SLC9C2: variants seen among roughly 807,000 people sequenced by gnomAD.
SLC9C2 encodes solute carrier family 9 member C2 (putative).
A neutral mutation model predicts 140.2 loss-of-function variants in SLC9C2; 75 were observed. The observed-to-expected ratio is 0.53, with a 90% CI of 0.44 to 0.65. The LOEUF (loss-of-function observed/expected upper bound fraction) is 0.65. Among genes scored for constraint, SLC9C2 ranks in the 30% least tolerant of loss-of-function variants. SLC9C2 has a pLI of 0.00. For synonymous variants in SLC9C2, 375 were observed against 420.9 expected (o/e 0.89, Z 1.34); for missense variants, 1,074 against 1,331.8 (o/e 0.81, Z 3.01).
chr1:173,520,733 CA>C (rs1044793063), intron 22 of SLC9C2, among the ~76,000 whole-genome samples: 3 of 152,120 alleles, frequency 2.0e-5, no homozygotes, highest in African/African-American at 7.2e-5. Flanking sequence ...GTTTCAAAAC[CA>C]GAAAGCCAAT....
chr1:173,508,577 A>G (rs1240207910), intron 24 of SLC9C2, among the ~76,000 whole-genome samples: 1 of 152,086 alleles, frequency 6.6e-6, no homozygotes, highest in Non-Finnish European at 1.5e-5. Context: ...CTCTGCTAAA[A>G]TTTTTCTGAA....
intron 20 of SLC9C2, among the ~76,000 whole-genome samples, chr1:173,524,517 G>A (rs559654063): frequency 2.1e-4 from 32 of 152,256 alleles, no homozygotes; most frequent in Middle Eastern, 3.4e-3. Context: ...AGTACTCTGC[G>A]TCCTTTTGAT....
intron 21 of SLC9C2, 27 bp from the exon 22 acceptor site, chr1:173,521,426 GA>G: frequency 1.6e-6 from 2 of 1,233,456 alleles, no homozygotes; most frequent in Non-Finnish European, 2.2e-6. Context: ...AAAACGAAAA[GA>G]AAAAGAGAGT....
chr1:173,592,751 G>A (rs1025834337), intron 4 of SLC9C2, among the ~76,000 whole-genome samples: 2 of 152,100 alleles, frequency 1.3e-5, no homozygotes, highest in Non-Finnish European at 2.9e-5. Flanking sequence ...AAGGAGATTT[G>A]GGGCTGAGAT....
chr1:173,511,806 TC>T (rs1235578995), intron 23 of SLC9C2, among the ~76,000 whole-genome samples: 1 of 152,356 alleles, frequency 6.6e-6, no homozygotes, highest in East Asian at 1.9e-4. Flanking sequence ...AAGTCTTTAA[TC>T]CATCTTGAGT....
intron 2 of SLC9C2, among the ~76,000 whole-genome samples, chr1:173,600,427 C>G (rs948787933): frequency 1.3e-5 from 2 of 151,542 alleles, no homozygotes; most frequent in Non-Finnish European, 2.9e-5. Flanking sequence ...CTGTTTTTCA[C>G]GTTTAGTACA....
chr1:173,533,847 G>A, intron 16 of SLC9C2, 50 bp from the exon 17 acceptor site: 1 of 1,487,810 alleles, frequency 6.7e-7, no homozygotes, highest in Non-Finnish European at 8.9e-7. Flanking sequence ...GTAATGTTGG[G>A]GGGAAGAAAT....
chr1:173,556,267 G>A (rs548292583), intron 10 of SLC9C2, among the ~76,000 whole-genome samples: 24 of 152,290 alleles, frequency 1.6e-4, no homozygotes, highest in South Asian at 8.3e-4. Flanking sequence ...GCCAGCAGAT[G>A]CACTGGGCTC....
At position 173,517,471 on chromosome 1, in the gene SLC9C2, A is replaced by C; in HGVS notation, c.2907+66T>G. ...AAGATGTCAAAACCCCAAAAAAGAAAAGATGCTGGTATTTTTTATTTACTT... is the reference window on the plus strand; with the variant it reads ...AAGATGTCAAAACCCCAAAAAAGAACAGATGCTGGTATTTTTTATTTACTT... On this transcript the variant is annotated intron_variant, in intron 23 of 27. Coordinates refer to ENST00000367714, the MANE Select transcript of SLC9C2 (RefSeq NM_178527.4). The C allele has an allele frequency of 2.8e-6, 4 of 1,447,630 alleles. No homozygotes were observed. In the South Asian group the frequency reaches 4.3e-5, roughly 16 times the overall value. The allele number at this position is 1,447,630 out of a possible 1,614,324, so 89.7% of individuals were successfully genotyped here. A position where few individuals can be genotyped will look rare whatever the true frequency, so the allele number is the denominator to read the frequency against.
At position 173,556,146 on chromosome 1, in the gene SLC9C2, T is replaced by C. The variant is rs559579685; in HGVS notation, c.1215+1194A>G. On this transcript the variant is annotated intron_variant, in intron 10 of 27. Coordinates refer to ENST00000367714, the MANE Select transcript of SLC9C2 (RefSeq NM_178527.4). ...GTTTTCCCCCTCCCAGAAACAGATCTGGGGTTCATCTGATTAGGAGGTAAT... is the reference window on the plus strand; with the variant it reads ...GTTTTCCCCCTCCCAGAAACAGATCCGGGGTTCATCTGATTAGGAGGTAAT... Among the ~76,000 whole-genome samples, 6 of 152,308 alleles carry C rather than the reference T, an allele frequency of 3.9e-5. No individual in the cohort carries two copies. In the East Asian group the frequency reaches 9.6e-4, roughly 24 times the overall value.
rs770605803 is a variant in SLC9C2, at chr1:173,530,089, C to A, written c.2164-35G>T. Reference sequence around the variant, plus strand: ...TGAGAAGAAGAAAAAAAAACCTGTACATTTGATGAGGAAAAGCACCCTCTG... The same window carrying A: ...TGAGAAGAAGAAAAAAAAACCTGTAAATTTGATGAGGAAAAGCACCCTCTG... On this transcript the variant is annotated intron_variant, in intron 17 of 27. Coordinates refer to ENST00000367714, the MANE Select transcript of SLC9C2 (RefSeq NM_178527.4). 7 of 1,558,314 alleles carry A rather than the reference C, an allele frequency of 4.5e-6. No homozygotes were observed. In the Admixed American group the frequency reaches 1.3e-4, roughly 28 times the overall value.
intron 9 of SLC9C2, among the ~76,000 whole-genome samples, chr1:173,569,149 G>A (rs1664681176): frequency 6.6e-6 from 1 of 151,948 alleles, no homozygotes; most frequent in Non-Finnish European, 1.5e-5. Flanking sequence ...TAGTCTGTAA[G>A]GTTTCCACCG....
At chr1:173,568,333 C>T (rs1476100485) in intron 9 of SLC9C2, among the ~76,000 whole-genome samples, 2 of 152,056 alleles carry the variant, frequency 1.3e-5, no homozygotes, top group African/African-American at 4.8e-5. Context: ...TCTTTGTATT[C>T]GTAAGTTCTT....
chr1:173,582,679 C>G (rs1222285804), intron 6 of SLC9C2, among the ~76,000 whole-genome samples: 1 of 152,218 alleles, frequency 6.6e-6, no homozygotes, highest in African/African-American at 2.4e-5. Flanking sequence ...TTTCTCCATT[C>G]ATACTGTGAT....
At chr1:173,546,527 G>T (rs1298418607) in intron 13 of SLC9C2, among the ~76,000 whole-genome samples, 2 of 152,198 alleles carry the variant, frequency 1.3e-5, no homozygotes, top group African/African-American at 4.8e-5. Context: ...GTTGCAGTGA[G>T]TCAAGATCGC....
rs1661096830 is a variant in SLC9C2 at position 173,524,981 on chromosome 1, C to A, written c.2366-54G>T. ...GTGGCCTATGCAATAACCACAATAA[C>A]TAATATTAGTATAATACTGTATAAT... On this transcript the variant is annotated intron_variant, in intron 19 of 27. Transcript: ENST00000367714. 2.6e-6 allele frequency: 4 copies of A among 1,556,576 alleles called. 1 individual carries two copies. In the South Asian group the frequency reaches 4.5e-5, roughly 18 times the overall value.
At chr1:173,562,215 C>A (rs1337323102) in intron 9 of SLC9C2, among the ~76,000 whole-genome samples, 1 of 152,068 alleles carries the variant, frequency 6.6e-6, no homozygotes, top group Non-Finnish European at 1.5e-5. Context: ...ATCAAAAAGG[C>A]CAAATTAATC....
chr1:173,547,493 A>G (rs953127108), intron 13 of SLC9C2, among the ~76,000 whole-genome samples, 196 bp downstream of exon 13: 1 of 151,518 alleles, frequency 6.6e-6, no homozygotes, highest in African/African-American at 2.4e-5. Context: ...CAGGATAATA[A>G]GGTTTGTGAC....
intron 11 of SLC9C2, among the ~76,000 whole-genome samples, chr1:173,550,444 A>ATTTT (rs1382249001): frequency 2.9e-4 from 37 of 129,306 alleles, no homozygotes; most frequent in African/African-American, 4.6e-4. Flanking sequence ...TTATTTATTT[A>ATTTT]TTTATTTATT....
Sources: gnomAD v4.1 joint callset for allele counts (sites outside exome capture counted in the v4.1 genomes callset) on GRCh38, gnomAD v4.1.1 for gene constraint, MANE v1.5 for transcripts, NCBI Gene and HGNC (gene_info 2026-07-23, HGNC 2026-07-21) for gene names.